KCTD16: variants seen among roughly 807,000 people sequenced by gnomAD.
The protein encoded by KCTD16 is BTB/POZ domain-containing protein KCTD16.
Under a neutral mutation model 33.2 loss-of-function variants are expected in KCTD16, and 13 were observed. The observed-to-expected ratio is 0.39, with a 90% CI of 0.25 to 0.62. KCTD16 has a LOEUF of 0.62. Ranked by LOEUF, KCTD16 falls within the 20% of genes least tolerant of loss-of-function variation. KCTD16 has a pLI of 0.50. For missense variants in KCTD16, 441 were observed against 525.1 expected, an observed-to-expected ratio of 0.84 and a Z score of 1.57; for synonymous variants, 197 against 195.3, an observed-to-expected ratio of 1.01 and a Z score of -0.07.
intron 3 of KCTD16, among the ~76,000 whole-genome samples, chr5:144,221,345 G>A (rs1753742440): frequency 6.6e-6 from 1 of 152,134 alleles, no homozygotes; most frequent in Admixed American, 6.5e-5. Context: ...GTATACACAT[G>A]CCATGGTGGT....
chr5:144,416,810 A>G (rs948139446), intron 3 of KCTD16, among the ~76,000 whole-genome samples: 3 of 152,152 alleles, frequency 2.0e-5, no homozygotes, highest in Non-Finnish European at 4.4e-5. Context: ...GTAAGCTACC[A>G]ATCTGTTTTT....
intron 3 of KCTD16, among the ~76,000 whole-genome samples, chr5:144,291,788 T>C (rs1755902495): frequency 6.6e-6 from 1 of 152,188 alleles, no homozygotes; most frequent in Non-Finnish European, 1.5e-5. Flanking sequence ...CTATCTTAAA[T>C]TACACATTTA....
intron 3 of KCTD16, among the ~76,000 whole-genome samples, chr5:144,215,135 G>T (rs575676154): frequency 9.2e-5 from 14 of 152,158 alleles, no homozygotes; most frequent in African/African-American, 3.1e-4. Flanking sequence ...ATACTAGTTG[G>T]ATTTCTCACT....
chr5:144,282,115 G>A (rs1166825405), intron 3 of KCTD16, among the ~76,000 whole-genome samples: 1 of 152,174 alleles, frequency 6.6e-6, no homozygotes, highest in African/African-American at 2.4e-5. Flanking sequence ...AAAGACCAAG[G>A]CAAGATTAGA....
chr5:144,226,377 A>C (rs1320506995), intron 3 of KCTD16, among the ~76,000 whole-genome samples: 1 of 152,204 alleles, frequency 6.6e-6, no homozygotes, highest in Non-Finnish European at 1.5e-5. Context: ...ATGCTTTTTA[A>C]TTGCTAAGTT....
At chr5:144,392,540 C>T (rs768171132) in intron 3 of KCTD16, among the ~76,000 whole-genome samples, 17 of 152,144 alleles carry the variant, frequency 1.1e-4, no homozygotes, top group Admixed American at 4.6e-4. Context: ...TGTGAAAACA[C>T]GTAGACCAGC....
At chr5:144,271,256 A>C (rs1755285731) in intron 3 of KCTD16, among the ~76,000 whole-genome samples, 1 of 152,086 alleles carries the variant, frequency 6.6e-6, no homozygotes, top group African/African-American at 2.4e-5. Context: ...TGATGCAAAA[A>C]TCCTCACCAA....
At chr5:144,262,934 T>A (rs1009923089) in intron 3 of KCTD16, among the ~76,000 whole-genome samples, 3 of 152,148 alleles carry the variant, frequency 2.0e-5, no homozygotes, top group Admixed American at 6.5e-5. Context: ...CAGAGCCAGG[T>A]CCAGAGTAGG....
At chr5:144,448,678 C>T (rs1265067916) in intron 3 of KCTD16, among the ~76,000 whole-genome samples, 1 of 152,036 alleles carries the variant, frequency 6.6e-6, no homozygotes, top group African/African-American at 2.4e-5. Context: ...CTCTAAGGAA[C>T]CTTCCTGTTT....
intron 3 of KCTD16, among the ~76,000 whole-genome samples, chr5:144,229,451 GC>G (rs1754032348): frequency 6.6e-6 from 1 of 152,200 alleles, no homozygotes. Context: ...TCAGGGAATG[GC>G]CATAAAGGGA....
At chr5:144,193,511 G>A (rs562572488) in intron 2 of KCTD16, among the ~76,000 whole-genome samples, 107 of 151,858 alleles carry the variant, frequency 7.0e-4, no homozygotes, top group African/African-American at 2.4e-3. Flanking sequence ...TCTTCTCCTT[G>A]CCCCAAACAA....
chr5:144,436,428 G>A (rs1232648476), intron 3 of KCTD16, among the ~76,000 whole-genome samples: 1 of 151,970 alleles, frequency 6.6e-6, no homozygotes, highest in East Asian at 1.9e-4. Flanking sequence ...ATTGTTCATG[G>A]CTTAGAGGAT....
intron 3 of KCTD16, among the ~76,000 whole-genome samples, chr5:144,394,017 G>A (rs891958294): frequency 2.1e-5 from 3 of 139,616 alleles, no homozygotes; most frequent in East Asian, 2.1e-4. Context: ...GCACATGGTC[G>A]GGAACCCAAA....
chr5:144,365,323 T>G (rs1751808425), intron 3 of KCTD16, among the ~76,000 whole-genome samples: 1 of 152,164 alleles, frequency 6.6e-6, no homozygotes, highest in South Asian at 2.1e-4. Flanking sequence ...CTAAACGGTC[T>G]TACGTTATAC....
In KCTD16 at chr5:144,341,441, A is replaced by C. The variant is rs565032629; in HGVS notation, c.833-132219A>C. ...TTCTCCTCATGCCTGACCTCAGCTT[A>C]TCCCATGGAGCCCTCTCTATTGTGA... On this transcript the variant is annotated intron_variant, in intron 3 of 3. Coordinates refer to ENST00000512467, the MANE Select transcript of KCTD16 (RefSeq NM_020768.4). 8.5e-5 allele frequency among the ~76,000 whole-genome samples: 13 copies of C among 152,342 alleles called. No individual in the cohort carries two copies. In the South Asian group the frequency reaches 2.5e-3, roughly 29 times the overall value.
Position 144,397,080 on chromosome 5 carries a change from CA to C in KCTD16, c.833-76579del, listed in dbSNP as rs1752585538. ...TAATGCTATCACTCCCCCCTCCCCC[CA>C]CCCCACAACAGGCCCCACTGTGTGA... On this transcript the variant is annotated intron_variant, in intron 3 of 3. Coordinates refer to ENST00000512467, the MANE Select transcript of KCTD16 (RefSeq NM_020768.4). Among the ~76,000 whole-genome samples, 6 of 124,704 alleles carry C rather than the reference CA, an allele frequency of 4.8e-5. No individual in the cohort carries two copies. In the South Asian group the frequency reaches 2.0e-3, roughly 41 times the overall value. The allele number at this position is 124,704 out of a possible 152,430, so 81.8% of individuals were successfully genotyped here.
At chr5:144,359,175 G>T (rs1751646212) in intron 3 of KCTD16, among the ~76,000 whole-genome samples, 1 of 152,122 alleles carries the variant, frequency 6.6e-6, no homozygotes, top group Non-Finnish European at 1.5e-5. Flanking sequence ...TGCCTACTGT[G>T]CCCTGTCTCT....
intron 3 of KCTD16, among the ~76,000 whole-genome samples, chr5:144,241,600 TC>T (rs1754405876): frequency 6.6e-6 from 1 of 152,150 alleles, no homozygotes; most frequent in African/African-American, 2.4e-5. Context: ...TTGCTATCAC[TC>T]CCCTGTTGAA....
At chr5:144,321,543 G>T (rs183311747) in intron 3 of KCTD16, among the ~76,000 whole-genome samples, 1 of 152,094 alleles carries the variant, frequency 6.6e-6, no homozygotes, top group Admixed American at 6.6e-5. Context: ...GTTTAAAACC[G>T]TCTAGGTTAG....
Sources: gnomAD v4.1 joint callset for allele counts (sites outside exome capture counted in the v4.1 genomes callset) on GRCh38, gnomAD v4.1.1 for gene constraint, MANE v1.5 for transcripts, NCBI Gene and HGNC (gene_info 2026-07-23, HGNC 2026-07-21) for gene names.